The following SEC61A2 variants were observed in gnomAD, a reference collection of about 807,000 sequenced individuals.
SEC61A2 encodes the protein protein transport protein Sec61 subunit alpha isoform 2.
SEC61A2 carries 28 observed loss-of-function variants against 59.9 expected under a neutral mutation model. The observed-to-expected ratio is 0.47, with a 90% confidence interval of 0.35 to 0.64. The LOEUF (loss-of-function observed/expected upper bound fraction) is 0.64, where lower values mean the gene tolerates loss of function less well. Ranked by LOEUF, SEC61A2 falls within the 30% of genes least tolerant of loss-of-function variation. SEC61A2 has a pLI of 0.01. For synonymous variants in SEC61A2, 202 were observed against 214.4 expected (o/e 0.94, Z 0.50); for missense variants, 340 against 585.9 (o/e 0.58, Z 4.33).
intron 3 of SEC61A2, among the ~76,000 whole-genome samples, chr10:12,138,176 T>C (rs1833930912): frequency 6.6e-6 from 1 of 152,192 alleles, no homozygotes; most frequent in Non-Finnish European, 1.5e-5. Flanking sequence ...CTAACTATAT[T>C]TTCTTTCTGA....
At chr10:12,131,212 T>C (rs1476929038) in intron 1 of SEC61A2, among the ~76,000 whole-genome samples, 1 of 152,196 alleles carries the variant, frequency 6.6e-6, no homozygotes, top group Admixed American at 6.5e-5. Context: ...CCATCATTTG[T>C]AGAGGCTTTT....
Position 12,155,942 on chromosome 10 carries a change from C to T in SEC61A2, c.616+11C>T, listed in dbSNP as rs1336018553. ...TTAACACTGGCAGAGGTACATCGCA[C>T]AGCGACTGCAACTGCACGCGTTTTG... On this transcript the variant is annotated intron_variant, in intron 7 of 11. Coordinates refer to ENST00000298428, the MANE Select transcript of SEC61A2 (RefSeq NM_018144.4). The surrounding 1 kb of genome is among the most constrained non-coding windows in gnomAD (Gnocchi z 4.3). The T allele has an allele frequency of 1.2e-6, 2 of 1,613,926 alleles. No individual in the cohort carries two copies. Among genetic ancestry groups the T allele is most frequent in the African/African-American group, 2.7e-5 (2 of 74,930 alleles).
intron 2 of SEC61A2, among the ~76,000 whole-genome samples, chr10:12,135,557 C>T (rs143639459): frequency 2.0e-5 from 3 of 152,248 alleles, no homozygotes; most frequent in East Asian, 1.9e-4. Context: ...GTATCCATCA[C>T]CCAGATAACG....
At chr10:12,138,688 C>T (rs555894853) in intron 3 of SEC61A2, among the ~76,000 whole-genome samples, 143 of 152,282 alleles carry the variant, frequency 9.4e-4, no homozygotes, top group South Asian at 2.7e-3. Context: ...ATGGTCGTTA[C>T]GTCAGTAACT....
chr10:12,167,272 C>T (rs1038542357), downstream of SEC61A2: 2 of 159,120 alleles, frequency 1.3e-5, no homozygotes, highest in South Asian at 1.7e-4. Context: ...TTCTTTTTAA[C>T]GCTGTTTTAA....
Position 12,139,311 on chromosome 10 carries a change from T to C in SEC61A2, c.141+3141T>C, listed in dbSNP as rs114463712. Among the ~76,000 whole-genome samples the C allele has an allele frequency of 3.5e-3, 537 of 151,954 alleles. 3 individuals carry two copies. Among genetic ancestry groups the C allele is most frequent in the African/African-American group, 0.012 (508 of 41,526 alleles). On this transcript the variant is annotated intron_variant, in intron 3 of 11. Coordinates refer to ENST00000298428, the MANE Select transcript of SEC61A2 (RefSeq NM_018144.4). ...CACCAGCCGTGTTCTGGAGTTCCAG[T>C]TGATCTGCATCCTGGTCTACTTTTA...
intron 2 of SEC61A2, among the ~76,000 whole-genome samples, chr10:12,134,190 G>A (rs907426369): frequency 4.6e-5 from 7 of 152,122 alleles, no homozygotes; most frequent in African/African-American, 1.7e-4. Flanking sequence ...TGTATTTTTA[G>A]TAGAGACGGG....
rs1328307931 is a variant in SEC61A2 at position 12,160,039 on chromosome 10, T to C, written c.976-891T>C. Among the ~76,000 whole-genome samples the C allele has an allele frequency of 6.6e-6, 1 of 152,158 alleles. No homozygotes were observed. The highest frequency in any genetic ancestry group is 1.5e-5 in the Non-Finnish European group (1 of 68,032). On this transcript the variant is annotated intron_variant, in intron 9 of 11. Transcript: ENST00000298428. The surrounding 1 kb of genome is among the most constrained non-coding windows in gnomAD (Gnocchi z 4.1). ...CTCTGTTGTATTCTGGCTAATATTA[T>C]ATCGAGGACAGGAAAGTCAAGAGAC...
chr10:12,152,498 A>T lies in SEC61A2; in HGVS notation c.462+2537A>T, dbSNP rs1318733101. On this transcript the variant is annotated intron_variant, in intron 6 of 11. Coordinates refer to ENST00000298428, the MANE Select transcript of SEC61A2 (RefSeq NM_018144.4). This position sits in a 1 kb window ranked among gnomAD's most constrained non-coding sequence, Gnocchi z 5.5. ...ATAACTGTCAGATGTGGTGGCTCAC[A>T]CCTGTAATTCCAGCACTTTGAGAGG... Among the ~76,000 whole-genome samples the T allele has an allele frequency of 1.3e-5, 2 of 152,202 alleles. No homozygotes were observed. Among genetic ancestry groups the T allele is most frequent in the Non-Finnish European group, 2.9e-5 (2 of 68,028 alleles).
intron 1 of SEC61A2, among the ~76,000 whole-genome samples, chr10:12,131,836 G>T (rs1833746989): frequency 1.5e-5 from 2 of 132,946 alleles, no homozygotes; most frequent in Admixed American, 1.6e-4. Context: ...GACTACAGGG[G>T]CCCGCCACCA....
rs1014880945 is a variant in SEC61A2 at position 12,160,724 on chromosome 10, G to A, written c.976-206G>A. ...AAAAATGACTCAATATTTTCACAGT[G>A]TCTTGCATGTAATAGGTGTTCATCG... On this transcript the variant is annotated intron_variant, in intron 9 of 11. Coordinates refer to ENST00000298428, the MANE Select transcript of SEC61A2 (RefSeq NM_018144.4). The surrounding 1 kb of genome is among the most constrained non-coding windows in gnomAD (Gnocchi z 4.1). Among the ~76,000 whole-genome samples the A allele has an allele frequency of 6.6e-6, 1 of 152,114 alleles. No homozygotes were observed. Among genetic ancestry groups the A allele is most frequent in the Admixed American group, 6.5e-5 (1 of 15,268 alleles).
chr10:12,151,831 G>A (rs993582505), intron 6 of SEC61A2, among the ~76,000 whole-genome samples: 2 of 151,496 alleles, frequency 1.3e-5, no homozygotes, highest in South Asian at 2.1e-4. Context: ...ATCTCAGCTC[G>A]GCACAATCTT....
In SEC61A2 at chr10:12,142,573, A is replaced by T. The variant is rs1834044920; in HGVS notation, c.142-544A>T. 2.1e-6 allele frequency: 2 copies of T among 930,828 alleles called. No homozygotes were observed. Among genetic ancestry groups the T allele is most frequent in the Non-Finnish European group, 2.6e-6 (2 of 780,328 alleles). 57.7% of individuals were successfully genotyped at this position (930,828 alleles called of 1,614,324 possible). On this transcript the variant is annotated intron_variant, in intron 3 of 11. Transcript: ENST00000298428. This position sits in a 1 kb window ranked among gnomAD's most constrained non-coding sequence, Gnocchi z 5.4. ...CATTCTACGACCAGGCAGGTATAATATTCCATAATCTACTGGTGGGAGTGT... is the reference window on the plus strand; with the variant it reads ...CATTCTACGACCAGGCAGGTATAATTTTCCATAATCTACTGGTGGGAGTGT...
chr10:12,164,766 C>A lies in SEC61A2; in HGVS notation c.*312C>A. 9.0e-7 allele frequency: 1 copy of A among 1,110,430 alleles called. No individual in the cohort carries two copies. Among genetic ancestry groups the A allele is most frequent in the Non-Finnish European group, 1.1e-6 (1 of 910,198 alleles). The allele number at this position is 1,110,430 out of a possible 1,614,324, so 68.8% of individuals were successfully genotyped here. A position where few individuals can be genotyped will look rare whatever the true frequency, so the allele number is the denominator to read the frequency against. On this transcript the variant is annotated 3_prime_UTR_variant, in exon 12 of 12. Coordinates refer to ENST00000298428, the MANE Select transcript of SEC61A2 (RefSeq NM_018144.4). The surrounding 1 kb of genome is among the most constrained non-coding windows in gnomAD (Gnocchi z 7.3). Reference sequence around the variant, plus strand: ...CGGTGAGATGGATTCGTTTTGCACACAACATTCAAAACACTTCATATTGCC... The same window carrying A: ...CGGTGAGATGGATTCGTTTTGCACAAAACATTCAAAACACTTCATATTGCC...
chr10:12,142,365 C>T lies in SEC61A2; in HGVS notation c.142-752C>T, dbSNP rs1834040742. 1 of 252,640 alleles carries T rather than the reference C, an allele frequency of 4.0e-6. No homozygotes were observed. Among genetic ancestry groups the T allele is most frequent in the Admixed American group, 6.5e-5 (1 of 15,376 alleles). The allele number at this position is 252,640 out of a possible 1,614,324, so 15.6% of individuals were successfully genotyped here. On this transcript the variant is annotated intron_variant, in intron 3 of 11. Coordinates refer to ENST00000298428, the MANE Select transcript of SEC61A2 (RefSeq NM_018144.4). This position sits in a 1 kb window ranked among gnomAD's most constrained non-coding sequence, Gnocchi z 5.4. ...ATGTCTTGGGTGGGGGCTAAAATCA[C>T]CCCTAGTTTAGAACTGCTATTTTAT...
Position 12,134,840 on chromosome 10 carries a change from C to T in SEC61A2, c.76-1265C>T, listed in dbSNP as rs377336113. On this transcript the variant is annotated intron_variant, in intron 2 of 11. Transcript: ENST00000298428. ...GGCTGAGGCAGGAGAATCGCTTGAA[C>T]CTGGGGTGGTAGAGGTTGCAGTGAG... 3.3e-5 allele frequency among the ~76,000 whole-genome samples: 5 copies of T among 151,830 alleles called. No homozygotes were observed. In the East Asian group the frequency reaches 9.7e-4, roughly 29 times the overall value.
At position 12,133,298 on chromosome 10, in the gene SEC61A2, C is replaced by A; in HGVS notation, c.65C>A (p.Pro22Gln). The change falls in exon 2 of 12, where the codon CCG (proline) becomes CAG (glutamine). Residue 22 changes from proline (P) to glutamine (Q), a missense_variant. Coordinates refer to ENST00000298428, the MANE Select transcript of SEC61A2 (RefSeq NM_018144.4). ...GCAGTTCTACCAGAAATTCAGAAACCGGAAAGGAAAGTAAGTATAATATTT... is the reference window on the plus strand; with the variant it reads ...GCAGTTCTACCAGAAATTCAGAAACAGGAAAGGAAAGTAAGTATAATATTT... ...FCAVLPEIQKPERKIQFREKV... is the reference protein window; with the variant it reads ...FCAVLPEIQKQERKIQFREKV... The A allele has an allele frequency of 6.5e-7, 1 of 1,549,816 alleles. No individual in the cohort carries two copies. The highest frequency in any genetic ancestry group is 1.1e-5 in the South Asian group (1 of 88,220).
At chr10:12,139,653 G>A (rs577589159) in intron 3 of SEC61A2, among the ~76,000 whole-genome samples, 133 of 151,788 alleles carry the variant, frequency 8.8e-4, no homozygotes, top group South Asian at 2.3e-3. Context: ...GCGTGGTGGC[G>A]GGCGCCTGTA....
chr10:12,135,474 A>G (rs1057419403), intron 2 of SEC61A2, among the ~76,000 whole-genome samples: 6 of 152,240 alleles, frequency 3.9e-5, no homozygotes, highest in Admixed American at 6.5e-5. Flanking sequence ...TTAAATTTGT[A>G]TAAATATAAG....
Sources: allele counts gnomAD v4.1 joint callset (sites outside exome capture counted in the v4.1 genomes callset), GRCh38; gene constraint gnomAD v4.1.1; non-coding constraint Gnocchi (gnomAD v3.1); transcripts MANE v1.5; gene names NCBI Gene and HGNC (gene_info 2026-07-23, HGNC 2026-07-21).